The following MEGF11 variants were observed in gnomAD, a reference collection of about 807,000 sequenced individuals.
MEGF11 encodes multiple EGF like domains 11, also known as multiple epidermal growth factor-like domains protein 11.
MEGF11 carries 126 observed loss-of-function variants against 146.6 expected under a neutral mutation model. That is an observed-to-expected ratio of 0.86 (90% CI 0.74 to 1.00). The LOEUF (loss-of-function observed/expected upper bound fraction) is 1.00. Among genes scored for constraint, MEGF11 ranks in the 50% least tolerant of loss-of-function variants. The pLI, the probability that MEGF11 is intolerant of heterozygous loss-of-function variation, is 0.00. For missense variants in MEGF11, 1,509 were observed against 1,521.2 expected (o/e 0.99, Z 0.13); for synonymous variants, 532 against 583.4 (o/e 0.91, Z 1.27).
At chr15:66,147,943 A>G (rs2141025881) in intron 1 of MEGF11, among the ~76,000 whole-genome samples, 1 of 152,372 alleles carries the variant, frequency 6.6e-6, no homozygotes, top group South Asian at 2.1e-4. Flanking sequence ...GGACATTCAC[A>G]CCATGGACGA....
At chr15:65,971,028 T>C (rs2081283499) in intron 7 of MEGF11, 2 of 326,868 alleles carry the variant, frequency 6.1e-6, no homozygotes, top group African/African-American at 4.2e-5. Flanking sequence ...TACTCTCACA[T>C]GGGTACACAG....
chr15:66,013,174 G>T (rs2082763578), intron 5 of MEGF11, among the ~76,000 whole-genome samples: 1 of 152,200 alleles, frequency 6.6e-6, no homozygotes, highest in Non-Finnish European at 1.5e-5. Flanking sequence ...AAGCTGAGCT[G>T]GAGGAGACTA....
At chr15:66,133,970 C>A (rs531878636) in intron 1 of MEGF11, among the ~76,000 whole-genome samples, 18 of 152,184 alleles carry the variant, frequency 1.2e-4, no homozygotes, top group Non-Finnish European at 2.1e-4. Context: ...TGTCCCCCTC[C>A]AAGTCCCTGC....
At chr15:65,924,667 C>T (rs1387746178) in intron 13 of MEGF11, among the ~76,000 whole-genome samples, 1 of 132,092 alleles carries the variant, frequency 7.6e-6, no homozygotes, top group African/African-American at 2.8e-5. Flanking sequence ...CTCACTCTAT[C>T]ACCCAGGTGG....
chr15:66,027,321 C>T (rs1425857004), intron 5 of MEGF11, among the ~76,000 whole-genome samples: 1 of 152,226 alleles, frequency 6.6e-6, no homozygotes, highest in African/African-American at 2.4e-5. Flanking sequence ...AACTTATCAC[C>T]CTCTTCTGAG....
chr15:65,999,368 G>A (rs2082290331), intron 5 of MEGF11, among the ~76,000 whole-genome samples: 1 of 152,100 alleles, frequency 6.6e-6, no homozygotes, highest in African/African-American at 2.4e-5. Context: ...CCCTACATGA[G>A]GGGGGCTTCT....
intron 10 of MEGF11, among the ~76,000 whole-genome samples, chr15:65,941,792 C>T (rs1344509675): frequency 2.0e-5 from 3 of 152,242 alleles, no homozygotes; most frequent in Non-Finnish European, 2.9e-5. Flanking sequence ...ACAGTATATG[C>T]ATGATGGCCA....
chr15:66,033,374 C>A lies in MEGF11; in HGVS notation c.395-50886G>T, dbSNP rs116150479. On this transcript the variant is annotated intron_variant, in intron 5 of 25. Coordinates refer to ENST00000395614, the MANE Select transcript of MEGF11 (RefSeq NM_001385028.1). ...CAGGGTGCCCTCCACAGGCTCCATGCCCAGAGCCAACTAGGGTCTCTGCTC... is the reference window on the plus strand; with the variant it reads ...CAGGGTGCCCTCCACAGGCTCCATGACCAGAGCCAACTAGGGTCTCTGCTC... Among the ~76,000 whole-genome samples, 577 of 152,346 alleles carry A rather than the reference C, an allele frequency of 3.8e-3. 5 individuals are homozygous for A. The highest frequency in any genetic ancestry group is 0.013 in the African/African-American group (557 of 41,578).
At chr15:66,220,617 A>G (rs2091712052) in intron 1 of MEGF11, among the ~76,000 whole-genome samples, 1 of 146,812 alleles carries the variant, frequency 6.8e-6, no homozygotes, top group Non-Finnish European at 1.5e-5. Flanking sequence ...GGCTCACTGC[A>G]GCCTTGACCT....
chr15:66,078,953 C>T (rs573027382), intron 5 of MEGF11, among the ~76,000 whole-genome samples: 14 of 152,336 alleles, frequency 9.2e-5, no homozygotes, highest in East Asian at 3.9e-4. Flanking sequence ...ACAGTTCACT[C>T]GCAGACCCCA....
intron 3 of MEGF11, among the ~76,000 whole-genome samples, chr15:66,119,863 G>T (rs758680829): frequency 6.6e-6 from 1 of 152,162 alleles, no homozygotes; most frequent in Non-Finnish European, 1.5e-5. Flanking sequence ...CAGACCTTAC[G>T]CTGACACAAG....
At chr15:65,988,681 GCCGA>G (rs890052837) in intron 5 of MEGF11, among the ~76,000 whole-genome samples, 31 of 152,172 alleles carry the variant, frequency 2.0e-4, no homozygotes, top group African/African-American at 7.5e-4. Flanking sequence ...AAATAATGCG[GCCGA>G]CCATTACTTT....
At chr15:65,974,792 TTCTA>T (rs1272526858) in intron 7 of MEGF11, among the ~76,000 whole-genome samples, 12 of 152,230 alleles carry the variant, frequency 7.9e-5, no homozygotes, top group Admixed American at 7.8e-4. Context: ...TCTTTCTGGC[TTCTA>T]TCTGACTCAG....
At chr15:66,076,148 G>C (rs987826016) in intron 5 of MEGF11, among the ~76,000 whole-genome samples, 1 of 152,182 alleles carries the variant, frequency 6.6e-6, no homozygotes. Context: ...GTGATGGACA[G>C]ATGGATGGAC....
chr15:65,985,936 T>G (rs894912936), intron 5 of MEGF11, among the ~76,000 whole-genome samples: 3 of 151,684 alleles, frequency 2.0e-5, no homozygotes, highest in East Asian at 1.9e-4. Flanking sequence ...TATGCACATG[T>G]GTATGTTTGT....
At chr15:66,025,713 CCT>C (rs757259350) in intron 5 of MEGF11, among the ~76,000 whole-genome samples, 11 of 152,100 alleles carry the variant, frequency 7.2e-5, no homozygotes, top group African/African-American at 1.4e-4. Context: ...GGGACATTCC[CCT>C]GTCTCTTAAT....
chr15:65,982,637 C>A lies in MEGF11; in HGVS notation c.395-149G>T. The A allele has an allele frequency of 1.1e-6, 1 of 889,752 alleles. No homozygotes were observed. Among genetic ancestry groups the A allele is most frequent in the Non-Finnish European group, 1.6e-6 (1 of 627,116 alleles). 55.1% of individuals were successfully genotyped at this position (889,752 alleles called of 1,614,324 possible). A position where few individuals can be genotyped will look rare whatever the true frequency, so the allele number is the denominator to read the frequency against. ...AAGGGGTGCCTGGAAGCTTTGGTGCCTCATAACCTGCATCAGTTCTTCCAC... is the reference window on the plus strand; with the variant it reads ...AAGGGGTGCCTGGAAGCTTTGGTGCATCATAACCTGCATCAGTTCTTCCAC... On this transcript the variant is annotated intron_variant, in intron 5 of 25. Coordinates refer to ENST00000395614, the MANE Select transcript of MEGF11 (RefSeq NM_001385028.1). This position sits in a 1 kb window ranked among gnomAD's most constrained non-coding sequence, Gnocchi z 5.6.
intron 1 of MEGF11, among the ~76,000 whole-genome samples, chr15:66,216,516 C>G (rs949706131): frequency 2.6e-5 from 4 of 152,196 alleles, no homozygotes; most frequent in Non-Finnish European, 5.9e-5. Context: ...TTGTGGAAGA[C>G]AAGATGCTTC....
At chr15:66,195,478 G>T (rs1223459577) in intron 1 of MEGF11, among the ~76,000 whole-genome samples, 1 of 152,204 alleles carries the variant, frequency 6.6e-6, no homozygotes, top group African/African-American at 2.4e-5. Context: ...CTAAGACAAA[G>T]GTATGTGTGC....
Sources: gnomAD v4.1 joint callset for allele counts (sites outside exome capture counted in the v4.1 genomes callset) on GRCh38, gnomAD v4.1.1 for gene constraint, Gnocchi (gnomAD v3.1) non-coding constraint, MANE v1.5 for transcripts, NCBI Gene and HGNC (gene_info 2026-07-23, HGNC 2026-07-21) for gene names.